PCCA: variants seen among roughly 807,000 people sequenced by gnomAD.
The protein encoded by PCCA is propionyl-CoA carboxylase alpha chain, mitochondrial.
In PCCA, 74 loss-of-function variants were observed where a neutral mutation model predicts 101.3. The ratio of observed to expected loss-of-function variants is 0.73; its 90% CI spans 0.61 to 0.89. The LOEUF (loss-of-function observed/expected upper bound fraction) is 0.89, where lower values mean the gene tolerates loss of function less well. Among genes scored for constraint, PCCA ranks in the 40% least tolerant of loss-of-function variants. PCCA has a pLI of 0.00. For synonymous variants in PCCA, 294 were observed against 313.6 expected (o/e 0.94, Z 0.66); for missense variants, 891 against 907.0 (o/e 0.98, Z 0.23).
chr13:100,106,107 C>G (rs2047770662), intron 2 of PCCA, among the ~76,000 whole-genome samples: 1 of 151,996 alleles, frequency 6.6e-6, no homozygotes, highest in Non-Finnish European at 1.5e-5. Flanking sequence ...ATGGCTTAGT[C>G]TGACAGTATG....
intron 7 of PCCA, among the ~76,000 whole-genome samples, chr13:100,209,928 G>A (rs1383386309): frequency 1.3e-5 from 2 of 150,990 alleles, no homozygotes; most frequent in African/African-American, 2.4e-5. Flanking sequence ...CACTGCATCC[G>A]GCCAGAAATC....
intron 18 of PCCA, among the ~76,000 whole-genome samples, chr13:100,348,789 TTC>T (rs2072778091): frequency 1.8e-5 from 1 of 56,772 alleles, no homozygotes; most frequent in African/African-American, 7.2e-5. Context: ...TCTTTCTTTC[TTC>T]CTTCCTTCCT....
chr13:100,131,508 C>G (rs1345656801), intron 4 of PCCA, among the ~76,000 whole-genome samples: 3 of 152,160 alleles, frequency 2.0e-5, no homozygotes, highest in Non-Finnish European at 4.4e-5. Context: ...AATTTTATTT[C>G]ACACATTTTT....
intron 18 of PCCA, among the ~76,000 whole-genome samples, chr13:100,342,545 G>A (rs2071538463): frequency 6.6e-6 from 1 of 151,702 alleles, no homozygotes; most frequent in South Asian, 2.1e-4. Context: ...TGGGATTATA[G>A]GCATGAGCCA....
intron 12 of PCCA, among the ~76,000 whole-genome samples, chr13:100,278,200 T>C (rs1458721964): frequency 6.6e-6 from 1 of 152,220 alleles, no homozygotes; most frequent in Non-Finnish European, 1.5e-5. Flanking sequence ...TGTTTTTGGT[T>C]AAAGTGAAGA....
intron 10 of PCCA, among the ~76,000 whole-genome samples, chr13:100,268,336 G>C (rs2063080173): frequency 6.6e-6 from 1 of 152,120 alleles, no homozygotes; most frequent in Admixed American, 6.5e-5. Flanking sequence ...TTGTAATAAA[G>C]CTGCGGTGGC....
In PCCA at chr13:100,249,659, C is replaced by T. The variant is rs376881019; in HGVS notation, c.638-7936C>T. ...TTAATTGTGTTCAACCTATAGATCA[C>T]GTTGAGGAGGATTGATATCTTAACA... On this transcript the variant is annotated intron_variant, in intron 8 of 23. Transcript: ENST00000376285. Among the ~76,000 whole-genome samples the T allele has an allele frequency of 9.7e-4, 147 of 152,202 alleles. 4 individuals are homozygous for T. In the South Asian group the frequency reaches 0.028, roughly 29 times the overall value.
Position 100,219,385 on chromosome 13 carries a change from G to T in PCCA, c.600+9922G>T, listed in dbSNP as rs150071911. ...GATGATGAATGGTGGAGTCCTCAAG[G>T]GTTCAAGGAAGAGACCATCAGGAGA... On this transcript the variant is annotated intron_variant, in intron 7 of 23. Transcript: ENST00000376285. Among the ~76,000 whole-genome samples, 272 of 152,208 alleles carry T rather than the reference G, an allele frequency of 1.8e-3. 2 individuals carry two copies. The highest frequency in any genetic ancestry group is 6.3e-3 in the African/African-American group (260 of 41,522).
At chr13:100,285,072 A>T (rs1263748735) in intron 12 of PCCA, among the ~76,000 whole-genome samples, 1 of 152,212 alleles carries the variant, frequency 6.6e-6, no homozygotes, top group East Asian at 1.9e-4. Flanking sequence ...GCCTAATCTT[A>T]GCCAAAGGGA....
intron 6 of PCCA, among the ~76,000 whole-genome samples, chr13:100,209,081 C>T (rs1337118131): frequency 1.3e-5 from 2 of 151,934 alleles, no homozygotes; most frequent in Non-Finnish European, 2.9e-5. Context: ...GTGACTTTTC[C>T]GAGGCACACT....
intron 21 of PCCA, among the ~76,000 whole-genome samples, chr13:100,488,359 C>T (rs2084572926): frequency 6.6e-6 from 1 of 152,176 alleles, no homozygotes; most frequent in South Asian, 2.1e-4. Context: ...TCCCAAAGTG[C>T]TAGGATTTAC....
chr13:100,377,267 A>G (rs1028791440), intron 19 of PCCA, among the ~76,000 whole-genome samples: 8 of 152,174 alleles, frequency 5.3e-5, no homozygotes, highest in Non-Finnish European at 8.8e-5. Flanking sequence ...CCATCTTGCC[A>G]GCCACTTGAG....
chr13:100,098,542 C>A (rs1035643987), intron 1 of PCCA, among the ~76,000 whole-genome samples: 1 of 152,108 alleles, frequency 6.6e-6, no homozygotes, highest in African/African-American at 2.4e-5. Context: ...TGATGGAGAG[C>A]TGTATAGTTG....
chr13:100,283,029 C>T (rs1016379137), intron 12 of PCCA, among the ~76,000 whole-genome samples: 18 of 152,048 alleles, frequency 1.2e-4, no homozygotes, highest in Admixed American at 2.6e-4. Flanking sequence ...GTACATGTCC[C>T]CTTCTCCCTC....
At chr13:100,482,574 AG>A (rs1281315974) in intron 21 of PCCA, among the ~76,000 whole-genome samples, 1 of 151,856 alleles carries the variant, frequency 6.6e-6, no homozygotes, top group East Asian at 1.9e-4. Context: ...TGACATAACA[AG>A]GTTTTTTGTT....
chr13:100,467,143 C>T (rs2082585683), intron 21 of PCCA, among the ~76,000 whole-genome samples: 1 of 152,142 alleles, frequency 6.6e-6, no homozygotes, highest in Admixed American at 6.5e-5. Flanking sequence ...ATCAGAAGAG[C>T]AGCTGTAGGA....
At chr13:100,092,067 C>T (rs1317379549) in intron 1 of PCCA, among the ~76,000 whole-genome samples, 1 of 151,900 alleles carries the variant, frequency 6.6e-6, no homozygotes, top group African/African-American at 2.4e-5. Context: ...ACTACAGGCG[C>T]ACGCCACCAC....
intron 4 of PCCA, among the ~76,000 whole-genome samples, chr13:100,136,131 TTATA>T (rs1267165221): frequency 6.6e-6 from 1 of 151,956 alleles, no homozygotes; most frequent in Admixed American, 6.6e-5. Flanking sequence ...AATGTTGTCC[TTATA>T]AAATTAATTG....
At chr13:100,337,131 A>C (rs537864404) in intron 17 of PCCA, among the ~76,000 whole-genome samples, 2 of 152,282 alleles carry the variant, frequency 1.3e-5, no homozygotes, top group South Asian at 4.1e-4. Context: ...CGCGCCCCCA[A>C]GTTTTAGGTG....
Sources: gnomAD v4.1 joint callset for allele counts (sites outside exome capture counted in the v4.1 genomes callset) on GRCh38, gnomAD v4.1.1 for gene constraint, MANE v1.5 for transcripts, NCBI Gene and HGNC (gene_info 2026-07-23, HGNC 2026-07-21) for gene names.